Variants in SLCO2A1 observed in about 807,000 individuals in gnomAD.
SLCO2A1 encodes matrin F/G 1.
In SLCO2A1, 60 loss-of-function variants were observed where a neutral mutation model predicts 71.7. The observed-to-expected ratio is 0.84, with a 90% CI of 0.68 to 1.04. The LOEUF is 1.04. Among genes scored for constraint, SLCO2A1 ranks in the 50% least tolerant of loss-of-function variants. The pLI is 0.00. For missense variants in SLCO2A1, 745 were observed against 813.4 expected (o/e 0.92, Z 1.02); for synonymous variants, 308 against 326.7 (o/e 0.94, Z 0.62).
intron 3 of SLCO2A1, among the ~76,000 whole-genome samples, chr3:133,966,894 G>A (rs561787045): frequency 6.6e-6 from 1 of 152,304 alleles, no homozygotes; most frequent in South Asian, 2.1e-4. Flanking sequence ...GGACCTCAAG[G>A]CATCTTGCAG....
At chr3:133,970,378 A>T (rs1194232173) in intron 3 of SLCO2A1, among the ~76,000 whole-genome samples, 1 of 152,242 alleles carries the variant, frequency 6.6e-6, no homozygotes, top group African/African-American at 2.4e-5. Context: ...TGGTTCCAGT[A>T]GACCATTCAG....
At chr3:133,984,986 C>T (rs958711879) in intron 1 of SLCO2A1, among the ~76,000 whole-genome samples, 2 of 152,124 alleles carry the variant, frequency 1.3e-5, no homozygotes, top group African/African-American at 4.8e-5. Flanking sequence ...TGCCACCTGC[C>T]CGTCCCACAC....
chr3:133,938,463 G>A lies in SLCO2A1; in HGVS notation c.1656C>T (p.Ala552=). 6.2e-7 allele frequency: 1 copy of A among 1,614,096 alleles called. No individual in the cohort carries two copies. Residue 552 remains alanine, a synonymous_variant, in exon 12 of 14, where the codon GCC becomes GCT. Coordinates refer to ENST00000310926, the MANE Select transcript of SLCO2A1 (RefSeq NM_005630.3). The stretch of plus-strand genomic sequence containing the variant: ...GCATCAACAAGAACTGCACCCCGAT[G>A]GCAAATGACTTTTCCTCCTGGTTCA... ...RVVNQEEKSF[A]IGVQFLLMRL...
At chr3:133,972,321 A>G (rs9882333) in intron 3 of SLCO2A1, among the ~76,000 whole-genome samples, 31,665 of 152,082 alleles carry the variant, frequency 0.21, 4,219 homozygotes, top group African/African-American at 0.37. Flanking sequence ...ACTTTAAGGA[A>G]ATTACCCAGG....
rs1359019945 is a variant in SLCO2A1, at chr3:133,945,076, G to A, written c.1461+19C>T. On this transcript the variant is annotated intron_variant, in intron 10 of 13. Transcript: ENST00000310926. ...ATCCTGTGGGGCTCCTCTTGCCTCT[G>A]GACCCTGGCTGCCCTTACCAGTTGC... 1.2e-6 allele frequency: 2 copies of A among 1,603,908 alleles called. No individual in the cohort carries two copies. The highest frequency in any genetic ancestry group is 1.7e-6 in the Non-Finnish European group (2 of 1,175,754).
At chr3:134,026,026 A>G (rs1231949429) in intron 1 of SLCO2A1, among the ~76,000 whole-genome samples, 2 of 152,190 alleles carry the variant, frequency 1.3e-5, no homozygotes, top group Non-Finnish European at 2.9e-5. Flanking sequence ...TAAGAGATCA[A>G]TGACCATGGG....
intron 11 of SLCO2A1, among the ~76,000 whole-genome samples, chr3:133,941,790 C>G (rs1933430330): frequency 1.3e-5 from 2 of 152,140 alleles, no homozygotes; most frequent in Non-Finnish European, 2.9e-5. Context: ...TTCCATAGCC[C>G]TCACTCTGAC....
At chr3:133,946,613 C>T (rs143086984) in intron 9 of SLCO2A1, among the ~76,000 whole-genome samples, 83 of 152,356 alleles carry the variant, frequency 5.4e-4, no homozygotes, top group African/African-American at 2.0e-3. Context: ...CAGCACAGAG[C>T]TGATGCTAAA....
chr3:133,965,067 G>C (rs951786562), intron 3 of SLCO2A1, among the ~76,000 whole-genome samples: 1 of 152,140 alleles, frequency 6.6e-6, no homozygotes, highest in African/African-American at 2.4e-5. Context: ...TGATGGGTGT[G>C]AGATAGAATT....
intron 3 of SLCO2A1, among the ~76,000 whole-genome samples, chr3:133,962,171 C>T (rs1235970222): frequency 2.0e-5 from 3 of 152,138 alleles, no homozygotes; most frequent in African/African-American, 7.2e-5. Context: ...CATCTGCCTC[C>T]CGGGTTTAAG....
intron 1 of SLCO2A1, among the ~76,000 whole-genome samples, chr3:134,023,395 C>T (rs1266377513): frequency 6.6e-6 from 1 of 152,198 alleles, no homozygotes; most frequent in Non-Finnish European, 1.5e-5. Flanking sequence ...CCTGTGAGGA[C>T]TTGCCAAGTC....
At chr3:133,999,005 C>T (rs1384883521) in intron 1 of SLCO2A1, among the ~76,000 whole-genome samples, 1 of 152,244 alleles carries the variant, frequency 6.6e-6, no homozygotes, top group Non-Finnish European at 1.5e-5. Context: ...TGCCCCCTCT[C>T]TGGCCTTCTT....
intron 6 of SLCO2A1, among the ~76,000 whole-genome samples, chr3:133,950,337 T>C (rs1219078205): frequency 6.6e-6 from 1 of 152,170 alleles, no homozygotes; most frequent in African/African-American, 2.4e-5. Context: ...GAGCTCTATT[T>C]TGGGACTTGA....
chr3:133,994,417 C>A (rs982891973), intron 1 of SLCO2A1, among the ~76,000 whole-genome samples: 1 of 152,200 alleles, frequency 6.6e-6, no homozygotes, highest in Non-Finnish European at 1.5e-5. Context: ...TACCTCAGTG[C>A]CATGTCCAGT....
chr3:133,965,706 G>T (rs917354231), intron 3 of SLCO2A1, among the ~76,000 whole-genome samples: 11 of 152,180 alleles, frequency 7.2e-5, no homozygotes, highest in African/African-American at 2.7e-4. Flanking sequence ...AGGACCCTCA[G>T]ATTCAGATGT....
chr3:134,007,197 CTT>C (rs1235734474), intron 1 of SLCO2A1, among the ~76,000 whole-genome samples: 1 of 152,180 alleles, frequency 6.6e-6, no homozygotes, highest in Non-Finnish European at 1.5e-5. Flanking sequence ...TCTAAGAACT[CTT>C]TATATATTCT....
chr3:134,022,185 G>A (rs1935602551), intron 1 of SLCO2A1, among the ~76,000 whole-genome samples: 1 of 151,922 alleles, frequency 6.6e-6, no homozygotes, highest in Admixed American at 6.6e-5. Context: ...TTTGTAATAA[G>A]TCAAAAAGTT....
intron 1 of SLCO2A1, among the ~76,000 whole-genome samples, chr3:134,024,621 G>A (rs540360257): frequency 5.3e-5 from 8 of 152,282 alleles, no homozygotes; most frequent in East Asian, 3.9e-4. Context: ...ACAACTAGAC[G>A]GGGTTTCCAA....
intron 1 of SLCO2A1, among the ~76,000 whole-genome samples, chr3:134,004,625 C>T (rs1179723115): frequency 6.6e-6 from 1 of 152,140 alleles, no homozygotes; most frequent in African/African-American, 2.4e-5. Flanking sequence ...TGAGCCACCA[C>T]GCCCAGCCAC....
Sources: allele counts gnomAD v4.1 joint callset (sites outside exome capture counted in the v4.1 genomes callset), GRCh38; gene constraint gnomAD v4.1.1; transcripts MANE v1.5; gene names NCBI Gene and HGNC (gene_info 2026-07-23, HGNC 2026-07-21).